The following MYOF variants were observed in gnomAD, a reference collection of about 807,000 sequenced individuals.
MYOF encodes the protein fer-1-like 3, myoferlin.
MYOF carries 244 observed loss-of-function variants against 284.2 expected under a neutral mutation model. The ratio of observed to expected loss-of-function variants is 0.86; its 90% CI spans 0.77 to 0.95. The LOEUF (loss-of-function observed/expected upper bound fraction) is 0.95. Among genes scored for constraint, MYOF ranks in the 40% least tolerant of loss-of-function variants. The pLI, the probability that MYOF is intolerant of heterozygous loss-of-function variation, is 0.00. For synonymous variants in MYOF, 904 were observed against 919.7 expected (o/e 0.98, Z 0.31); for missense variants, 2,496 against 2,560.6 (o/e 0.97, Z 0.54).
At chr10:93,320,040 G>A (rs1261038628) in intron 48 of MYOF, 27 bp from the exon 49 acceptor site, 2 of 1,612,458 alleles carry the variant, frequency 1.2e-6, no homozygotes, top group Non-Finnish European at 1.7e-6. Context: ...AACAGACTTA[G>A]CTTCACGTGA....
rs540140014 is a variant in MYOF, at chr10:93,366,294, A to G, written c.2753+98T>C. 18 of 1,307,122 alleles carry G rather than the reference A, an allele frequency of 1.4e-5. No individual in the cohort carries two copies. In the African/African-American group the frequency reaches 1.9e-4, roughly 14 times the overall value. The allele number at this position is 1,307,122 out of a possible 1,614,324, so 81.0% of individuals were successfully genotyped here. ...TAGTTCTGCTCAGTGGGTGTTACATAACTATTATCAAGATGATGACGGAGA... is the reference window on the plus strand; with the variant it reads ...TAGTTCTGCTCAGTGGGTGTTACATGACTATTATCAAGATGATGACGGAGA... On this transcript the variant is annotated intron_variant, in intron 26 of 53. Transcript: ENST00000359263.
At chr10:93,328,022 G>A (rs1843131590) in intron 45 of MYOF, among the ~76,000 whole-genome samples, 1 of 151,954 alleles carries the variant, frequency 6.6e-6, no homozygotes. Context: ...CACCCGACTC[G>A]ACCTCCCAAA....
At chr10:93,449,512 A>G (rs552976311) in intron 3 of MYOF, among the ~76,000 whole-genome samples, 5 of 152,320 alleles carry the variant, frequency 3.3e-5, no homozygotes, top group African/African-American at 1.2e-4. Flanking sequence ...GAAATATGGG[A>G]AATAAAACTG....
intron 37 of MYOF, among the ~76,000 whole-genome samples, chr10:93,344,669 C>T (rs771724910): frequency 5.8e-5 from 8 of 137,118 alleles, no homozygotes; most frequent in Admixed American, 2.4e-4. Flanking sequence ...CAACATGGCA[C>T]GTGTATACCT....
Position 93,369,667 on chromosome 10 carries a change from G to A in MYOF, c.2567C>T (p.Thr856Ile). Reference protein sequence around the residue: ...EKKFNSFAEGTFTVFAEMYEN... With the variant: ...EKKFNSFAEGIFTVFAEMYEN... Reference sequence around the variant, plus strand: ...TACCATTTCAGCAAAGACGGTGAAAGTTCCTTCTGCGAAGCTGTTAAACTT... The same window carrying A: ...TACCATTTCAGCAAAGACGGTGAAAATTCCTTCTGCGAAGCTGTTAAACTT... Residue 856 changes from threonine to isoleucine, a missense_variant, in exon 25 of 54, where the codon ACT (threonine) becomes ATT (isoleucine). Physicochemically the swap from Thr to Ile is moderately conservative, Grantham distance 89. Around this residue, in one of 3 missense-constraint regions of MYOF, gnomAD observed 2,436 missense variants for 2,480.7 expected, o/e 0.98. Transcript: ENST00000359263. 1.9e-6 allele frequency: 3 copies of A among 1,614,198 alleles called. No individual in the cohort carries two copies. The highest frequency in any genetic ancestry group is 2.5e-6 in the Non-Finnish European group (3 of 1,180,038).
rs1223805490 is a variant in MYOF at position 93,437,689 on chromosome 10, A to G, written c.237-6173T>C. 2.0e-5 allele frequency among the ~76,000 whole-genome samples: 3 copies of G among 152,298 alleles called. No individual in the cohort carries two copies. In the East Asian group the frequency reaches 5.8e-4, roughly 29 times the overall value. ...TAGGTCCCCTGTAGGAAACCTAAAA[A>G]GATGGTGAGCTTCCCACCCTCGAAG... is the stretch of plus-strand genomic sequence containing the variant. On this transcript the variant is annotated intron_variant, in intron 3 of 53. Transcript: ENST00000359263.
chr10:93,325,397 C>T (rs1229617672), intron 46 of MYOF, among the ~76,000 whole-genome samples: 4 of 152,182 alleles, frequency 2.6e-5, no homozygotes, highest in African/African-American at 9.7e-5. Flanking sequence ...CTGCCCACCT[C>T]GCTGGAGCTC....
intron 19 of MYOF, among the ~76,000 whole-genome samples, chr10:93,385,209 G>A (rs1402663392): frequency 6.6e-6 from 1 of 152,180 alleles, no homozygotes; most frequent in Non-Finnish European, 1.5e-5. Flanking sequence ...TTTAGTGGCA[G>A]GGCAGAGGTT....
intron 19 of MYOF, among the ~76,000 whole-genome samples, chr10:93,381,930 G>A (rs554543976): frequency 1.1e-3 from 166 of 152,178 alleles, no homozygotes; most frequent in African/African-American, 3.9e-3. Context: ...TCAGCTACTC[G>A]GGAGGCTGAG....
chr10:93,397,513 T>C, intron 13 of MYOF, 57 bp from the exon 14 acceptor site: 5 of 1,337,014 alleles, frequency 3.7e-6, no homozygotes, highest in Non-Finnish European at 5.3e-6. Context: ...TCTAAAAGTT[T>C]ACAATCTATG....
chr10:93,389,097 T>G lies in MYOF; in HGVS notation c.1514A>C (p.Asn505Thr). The G allele has an allele frequency of 6.2e-7, 1 of 1,614,154 alleles. No individual in the cohort carries two copies. The change falls in exon 18 of 54, where the codon AAT becomes ACT. Residue 505 changes from asparagine to threonine, a missense_variant. Asn to Thr is a moderately conservative substitution (Grantham distance 65, BLOSUM62 0). Transcript: ENST00000359263. ...FVPTFGPCYL[N>T]LYGSPREYTG... Reference sequence around the variant, plus strand: ...GTACTCTCTGGGGCTTCCATAAAGATTCAGGTAACAAGGTCCAAACGTTGG... The same window carrying G: ...GTACTCTCTGGGGCTTCCATAAAGAGTCAGGTAACAAGGTCCAAACGTTGG...
intron 31 of MYOF, among the ~76,000 whole-genome samples, chr10:93,354,637 TTCTC>T (rs1320947515): frequency 1.9e-4 from 24 of 124,930 alleles, no homozygotes; most frequent in African/African-American, 5.2e-4. Flanking sequence ...TATTATTATA[TTCTC>T]TCTGTCTCTA....
chr10:93,454,446 A>G (rs1215288773), intron 2 of MYOF, among the ~76,000 whole-genome samples: 1 of 152,206 alleles, frequency 6.6e-6, no homozygotes, highest in East Asian at 1.9e-4. Context: ...TCAAATTTGA[A>G]GAGATGAGTT....
chr10:93,369,265 G>A (rs1033510441), intron 25 of MYOF, among the ~76,000 whole-genome samples: 1 of 147,112 alleles, frequency 6.8e-6, no homozygotes, highest in South Asian at 2.4e-4. Context: ...GTTGGTGTGT[G>A]TGTGTGTGTG....
intron 10 of MYOF, 102 bp downstream of exon 10, chr10:93,402,758 A>T (rs1847360651): frequency 1.9e-5 from 19 of 1,017,968 alleles, no homozygotes; most frequent in Non-Finnish European, 2.7e-5. Context: ...CTTTAACTTT[A>T]ATTCTTTGAT....
chr10:93,332,245 C>G (rs866779541), intron 43 of MYOF, among the ~76,000 whole-genome samples: 1 of 147,124 alleles, frequency 6.8e-6, no homozygotes, highest in East Asian at 2.0e-4. Flanking sequence ...TTTTGGGAGA[C>G]GGAGTCTTGC....
chr10:93,326,086 A>G, intron 45 of MYOF, 121 bp from the exon 46 acceptor site: 3 of 1,274,856 alleles, frequency 2.4e-6, no homozygotes, highest in Non-Finnish European at 3.3e-6. Context: ...CAGTGCCAAC[A>G]TGCAAACTTT....
chr10:93,430,236 A>T (rs1246263602), intron 4 of MYOF, among the ~76,000 whole-genome samples: 1 of 150,884 alleles, frequency 6.6e-6, no homozygotes. Flanking sequence ...GCCCAGCAAG[A>T]TGTACTTATT....
Position 93,377,364 on chromosome 10 carries a change from T to C in MYOF, c.2067A>G (p.Glu689=). ...QGKIPANQLA[E]LWLKLIDEVI... ...CTTCATCTATCAGCTTCAGCCACAA[T>C]TCAGCCAGCTGGTTTGCAGGAATTT... Residue 689 remains glutamate, a synonymous_variant, in exon 22 of 54, where the codon GAA becomes GAG. Transcript: ENST00000359263. 1 of 1,614,104 alleles carries C rather than the reference T, an allele frequency of 6.2e-7. No individual in the cohort carries two copies. The highest frequency in any genetic ancestry group is 8.5e-7 in the Non-Finnish European group (1 of 1,180,004).
Sources: allele counts gnomAD v4.1 joint callset (sites outside exome capture counted in the v4.1 genomes callset), GRCh38; gene constraint gnomAD v4.1.1; regional missense constraint gnomAD v4.1.1; transcripts MANE v1.5; gene names NCBI Gene and HGNC (gene_info 2026-07-23, HGNC 2026-07-21).